SLC1A6: variants seen among roughly 807,000 people sequenced by gnomAD.
SLC1A6 encodes the protein solute carrier family 1 member 6.
SLC1A6 carries 15 observed loss-of-function variants against 42.1 expected under a neutral mutation model. That is an observed-to-expected ratio of 0.36 (90% confidence interval 0.24 to 0.55). The LOEUF (loss-of-function observed/expected upper bound fraction) is 0.55. SLC1A6 is among the 20% of genes least tolerant of loss of function. SLC1A6 has a pLI of 0.88. For missense variants in SLC1A6, 542 were observed against 772.5 expected (o/e 0.70, Z 3.54); for synonymous variants, 317 against 319.7 (o/e 0.99, Z 0.09).
At chr19:14,951,265 A>AG (rs1330566410) in intron 9 of SLC1A6, among the ~76,000 whole-genome samples, 1 of 107,396 alleles carries the variant, frequency 9.3e-6, no homozygotes, top group Admixed American at 1.0e-4. Context: ...AAAAAAAAAA[A>AG]AAAAAAAAAA....
chr19:14,960,575 T>C (rs1387426334), intron 6 of SLC1A6, among the ~76,000 whole-genome samples: 1 of 152,212 alleles, frequency 6.6e-6, no homozygotes, highest in African/African-American at 2.4e-5. Context: ...GAATGAATAG[T>C]AACTAACCAA....
At chr19:15,006,894 A>G (rs185812642) in intron 1 of SLC1A6, among the ~76,000 whole-genome samples, 200 of 152,330 alleles carry the variant, frequency 1.3e-3, no homozygotes, top group African/African-American at 4.6e-3. Flanking sequence ...TTGAGGCTGC[A>G]GTGAGCCATG....
upstream of SLC1A6, among the ~76,000 whole-genome samples, chr19:14,980,483 C>A (rs2045760113): frequency 6.6e-6 from 1 of 152,082 alleles, no homozygotes; most frequent in Admixed American, 6.5e-5. Context: ...AGCATCAGGT[C>A]TGTCGTATGA....
chr19:14,958,455 G>A (rs1254560460), intron 6 of SLC1A6, among the ~76,000 whole-genome samples: 2 of 151,850 alleles, frequency 1.3e-5, no homozygotes, highest in Non-Finnish European at 2.9e-5. Context: ...CACATTCATC[G>A]TGGATGTGTT....
At chr19:14,990,587 T>G (rs1382637864) in intron 1 of SLC1A6, among the ~76,000 whole-genome samples, 1 of 151,996 alleles carries the variant, frequency 6.6e-6, no homozygotes, top group Non-Finnish European at 1.5e-5. Flanking sequence ...CTGACCAACG[T>G]GGTGAAACCC....
intron 6 of SLC1A6, 175 bp downstream of exon 6, chr19:14,961,827 T>C (rs549284914): frequency 1.4e-5 from 12 of 883,608 alleles, no homozygotes; most frequent in Non-Finnish European, 2.0e-5. Flanking sequence ...GGAAGTCAAC[T>C]AGTGATGAAA....
At chr19:14,953,994 C>A (rs576093985) in intron 8 of SLC1A6, 141 bp downstream of exon 8, 2 of 716,676 alleles carry the variant, frequency 2.8e-6, no homozygotes, top group East Asian at 5.5e-5. Context: ...CGGCATTGGG[C>A]TCTTCCCACA....
intron 1 of SLC1A6, chr19:14,975,000 C>A (rs2045687466): frequency 1.3e-5 from 2 of 151,618 alleles, no homozygotes; most frequent in South Asian, 4.2e-4. Context: ...ACCGCACCCA[C>A]CCTAAAAAAA....
chr19:14,976,436 G>A (rs937663180), intron 1 of SLC1A6, among the ~76,000 whole-genome samples: 3 of 152,162 alleles, frequency 2.0e-5, no homozygotes, highest in South Asian at 2.1e-4. Flanking sequence ...TCATGGAATA[G>A]TAATCAGCCA....
At chr19:14,960,214 G>A (rs769768698) in intron 6 of SLC1A6, among the ~76,000 whole-genome samples, 3 of 152,152 alleles carry the variant, frequency 2.0e-5, no homozygotes, top group East Asian at 1.9e-4. Flanking sequence ...GAACAAATAC[G>A]TGAACAAATG....
At chr19:14,952,636 C>G (rs1599977277) in intron 9 of SLC1A6, among the ~76,000 whole-genome samples, 1 of 152,052 alleles carries the variant, frequency 6.6e-6, no homozygotes, top group Non-Finnish European at 1.5e-5. Context: ...ACACCGCACC[C>G]GGCCTGGATC....
intron 3 of SLC1A6, among the ~76,000 whole-genome samples, chr19:14,970,642 C>T (rs1446258464): frequency 6.6e-6 from 1 of 151,408 alleles, no homozygotes; most frequent in Non-Finnish European, 1.5e-5. Flanking sequence ...ACCCAGGAGG[C>T]GGTGCTTGCA....
In SLC1A6 at chr19:14,979,049, G is replaced by GTCAC. The variant is rs1555708518; in HGVS notation, c.-8+256_-8+259dup. On this transcript the variant is annotated intron_variant, in intron 1 of 9. Transcript: ENST00000594383. This position sits in a 1 kb window ranked among gnomAD's most constrained non-coding sequence, Gnocchi z 4.2. Reference sequence around the variant, plus strand: ...ACAAATTCAGTCTCTCTCTCTCTCTGTCACACACACACACACACACACACA... The same window carrying GTCAC: ...ACAAATTCAGTCTCTCTCTCTCTCTGTCACTCACACACACACACACACACACACA... Among the ~76,000 whole-genome samples the GTCAC allele has an allele frequency of 1.9e-3, 59 of 30,648 alleles. No individual in the cohort carries two copies. Among genetic ancestry groups the GTCAC allele is most frequent in the Non-Finnish European group, 3.1e-3 (45 of 14,522 alleles). The allele number at this position is 30,648 out of a possible 152,430, so 20.1% of individuals were successfully genotyped here.
At chr19:14,980,654 C>CAAAAAAAAAAAA (rs35361239), upstream of SLC1A6, among the ~76,000 whole-genome samples, 2 of 125,410 alleles carry the variant, frequency 1.6e-5, no homozygotes, top group African/African-American at 3.1e-5. Flanking sequence ...GAGACTCCGT[C>CAAAAAAAAAAAA]AAAAAAAAAA....
Position 14,962,310 on chromosome 19 carries a change from C to G in SLC1A6, c.627G>C (p.Arg209Ser), listed in dbSNP as rs370907289. The change falls in exon 6 of 10, where the codon AGG becomes AGC. Residue 209 changes from arginine (R) to serine (S), a missense_variant. This residue lies in a region of SLC1A6 where 298 missense variants were observed against 419.4 expected (regional missense o/e 0.71). Coordinates refer to ENST00000594383, the MANE Select transcript of SLC1A6 (RefSeq NM_005071.3). ...KTQYSTRVVT[R>S]TMVRTENGSE... ...ACCCGTTCTCTGTCCTCACCATGGTCCTGGTTACCACCCTCGTGCTGTACT... is the reference window on the plus strand; with the variant it reads ...ACCCGTTCTCTGTCCTCACCATGGTGCTGGTTACCACCCTCGTGCTGTACT... The G allele has an allele frequency of 1.5e-5, 24 of 1,614,008 alleles. No individual in the cohort carries two copies. Among genetic ancestry groups the G allele is most frequent in the Non-Finnish European group, 1.9e-5 (23 of 1,180,006 alleles).
At chr19:15,009,090 C>A (rs1333598961) in intron 1 of SLC1A6, among the ~76,000 whole-genome samples, 1 of 149,858 alleles carries the variant, frequency 6.7e-6, no homozygotes, top group African/African-American at 2.5e-5. Flanking sequence ...ATATCGGATA[C>A]AAATGCCCTA....
chr19:14,962,087 C>T lies in SLC1A6; in HGVS notation c.850G>A (p.Gly284Ser). Residue 284 changes from glycine (G) to serine (S), a missense_variant, in exon 6 of 10, where the codon GGC (glycine) becomes AGC (serine). By Grantham distance (56) the Gly-to-Ser change is moderately conservative. This residue lies in a region of SLC1A6 where 298 missense variants were observed against 419.4 expected (regional missense o/e 0.71). Transcript: ENST00000594383. ...FSVAFGLVIGGMKHKGRVLRD... is the reference protein window; with the variant it reads ...FSVAFGLVIGSMKHKGRVLRD... Reference sequence around the variant, plus strand: ...AGGACTCTGCCCTTGTGTTTCATGCCACCAATGACCAGCCCAAAGGCCACA... The same window carrying T: ...AGGACTCTGCCCTTGTGTTTCATGCTACCAATGACCAGCCCAAAGGCCACA... 1 of 1,614,180 alleles carries T rather than the reference C, an allele frequency of 6.2e-7. No homozygotes were observed. The highest frequency in any genetic ancestry group is 1.1e-5 in the South Asian group (1 of 91,082).
chr19:14,973,570 G>C (rs2045669669), intron 1 of SLC1A6: 1 of 152,888 alleles, frequency 6.5e-6, no homozygotes, highest in African/African-American at 2.4e-5. Context: ...GCTGGGAAGA[G>C]GAGGAAACCA....
chr19:14,999,694 C>CAA (rs1555710770), intron 1 of SLC1A6, among the ~76,000 whole-genome samples: 1 of 152,182 alleles, frequency 6.6e-6, no homozygotes. Context: ...CTCCAACTTA[C>CAA]AATGGTTCAA....
Sources: allele counts gnomAD v4.1 joint callset (sites outside exome capture counted in the v4.1 genomes callset), GRCh38; gene constraint gnomAD v4.1.1; regional missense constraint gnomAD v4.1.1; non-coding constraint Gnocchi (gnomAD v3.1); transcripts MANE v1.5; gene names NCBI Gene and HGNC (gene_info 2026-07-23, HGNC 2026-07-21).